The following FADS6 variants were observed in gnomAD, a reference collection of about 807,000 sequenced individuals.
FADS6 encodes the protein fatty acid desaturase 6.
FADS6 carries 28 observed loss-of-function variants against 31.7 expected under a neutral mutation model. The ratio of observed to expected loss-of-function variants is 0.88; its 90% CI spans 0.66 to 1.21. The LOEUF is 1.21. Among genes scored for constraint, FADS6 ranks in the 50% most tolerant of loss-of-function variants. FADS6 has a pLI of 0.00. For missense variants in FADS6, 494 were observed against 504.2 expected (o/e 0.98, Z 0.19); for synonymous variants, 191 against 213.1 (o/e 0.90, Z 0.90).
intron 4 of FADS6, 131 bp from the exon 5 acceptor site, chr17:74,879,714 G>T: frequency 1.1e-6 from 1 of 927,716 alleles, no homozygotes; most frequent in Non-Finnish European, 1.6e-6. Context: ...TGGTAGAGGG[G>T]CTCCTGGCCC....
In FADS6 at chr17:74,892,612, G is replaced by C; in HGVS notation, c.322C>G (p.Leu108Val). Residue 108 changes from leucine (L) to valine (V), a missense_variant, in exon 2 of 6, where the codon CTC (leucine) becomes GTC (valine). Around this residue, in one of 2 missense-constraint regions of FADS6, gnomAD observed 454 missense variants for 438.5 expected, o/e 1.04. Coordinates refer to ENST00000612771, the MANE Select transcript of FADS6 (RefSeq NM_178128.6). The stretch of plus-strand genomic sequence containing the variant: ...GCCAGGTGGCTGCCCTTGACAGTGA[G>C]TGTGTAGTGGCACACACCCAAGATG... ...ITILGVCHYT[L>V]TVKGSHLATH... The C allele has an allele frequency of 6.2e-7, 1 of 1,613,420 alleles. No homozygotes were observed. Among genetic ancestry groups the C allele is most frequent in the Non-Finnish European group, 8.5e-7 (1 of 1,179,670 alleles).
rs377304907 is a variant in FADS6 at position 74,878,427 on chromosome 17, G to A, written c.1011C>T (p.Asn337=). 84 of 1,614,010 alleles carry A rather than the reference G, an allele frequency of 5.2e-5. No individual in the cohort carries two copies. The highest frequency in any genetic ancestry group is 3.3e-4 in the African/African-American group (25 of 75,064). The change falls in exon 6 of 6, where the codon AAC becomes AAT. Residue 337 remains asparagine, a synonymous_variant. Transcript: ENST00000612771. ...GGAAGCGAGCCAGGTATGAGTCCTCGTTGTACGGTAGCTGCTTCTCACGTA... is the reference window on the plus strand; with the variant it reads ...GGAAGCGAGCCAGGTATGAGTCCTCATTGTACGGTAGCTGCTTCTCACGTA... ...QFLREKQLPY[N]EDSYLARFQL...
intron 2 of FADS6, among the ~76,000 whole-genome samples, chr17:74,888,288 G>A (rs1031967671): frequency 6.6e-6 from 1 of 151,822 alleles, no homozygotes; most frequent in African/African-American, 2.4e-5. Context: ...ATTTTTGCAA[G>A]GCCTGTGAAT....
Position 74,892,609 on chromosome 17 carries a change from TGA to T in FADS6, c.323_324del (p.Leu108HisfsTer177). ...GTGGCCAGGTGGCTGCCCTTGACAG[TGA>T]GTGTGTAGTGGCACACACCCAAGAT... is the stretch of plus-strand genomic sequence containing the variant. ...ITILGVCHYT[L>X]TVKGSHLATH... On this transcript the variant is annotated frameshift_variant, in exon 2 of 6. Coordinates refer to ENST00000612771, the MANE Select transcript of FADS6 (RefSeq NM_178128.6). LOFTEE classifies it high-confidence loss of function. The T allele has an allele frequency of 6.2e-7, 1 of 1,613,318 alleles. No homozygotes were observed. The highest frequency in any genetic ancestry group is 1.1e-5 in the South Asian group (1 of 90,896).
At chr17:74,892,175 C>G (rs1278362377) in intron 2 of FADS6, among the ~76,000 whole-genome samples, 1 of 152,190 alleles carries the variant, frequency 6.6e-6, no homozygotes, top group African/African-American at 2.4e-5. Flanking sequence ...GACGCTGCCC[C>G]TTGTGGACAC....
intron 3 of FADS6, among the ~76,000 whole-genome samples, chr17:74,881,680 A>G (rs1477825239): frequency 1.3e-5 from 2 of 150,542 alleles, no homozygotes; most frequent in Non-Finnish European, 3.0e-5. Context: ...ACCTACAGTA[A>G]GTTGAGATTG....
intron 1 of FADS6, among the ~76,000 whole-genome samples, chr17:74,893,126 C>T (rs1247906661): frequency 6.6e-6 from 1 of 152,158 alleles, no homozygotes; most frequent in African/African-American, 2.4e-5. Context: ...TGCGCCCCCT[C>T]CTAGGGTACA....
Position 74,877,641 on chromosome 17 carries a change from A to G in FADS6, c.*690T>C, listed in dbSNP as rs981415410. On this transcript the variant is annotated 3_prime_UTR_variant, in exon 6 of 6. Coordinates refer to ENST00000612771, the MANE Select transcript of FADS6 (RefSeq NM_178128.6). ...AGCCACCGCCCCTGGCTGGCTATTT[A>G]TACTCTTTCCCTAACTCTGTCCCTG... 7.2e-6 allele frequency: 7 copies of G among 974,524 alleles called. No individual in the cohort carries two copies. Among genetic ancestry groups the G allele is most frequent in the Non-Finnish European group, 8.5e-6 (7 of 820,276 alleles). The allele number at this position is 974,524 out of a possible 1,614,324, so 60.4% of individuals were successfully genotyped here.
chr17:74,875,369 A>T (rs1021967361), downstream of FADS6, among the ~76,000 whole-genome samples: 2 of 152,204 alleles, frequency 1.3e-5, no homozygotes, highest in Non-Finnish European at 2.9e-5. Context: ...GTCTCTGTAG[A>T]TTAGACCTTA....
chr17:74,892,793 G>C (rs1385973721), intron 1 of FADS6, 104 bp from the exon 2 acceptor site: 2 of 1,168,774 alleles, frequency 1.7e-6, no homozygotes, highest in African/African-American at 3.1e-5. Flanking sequence ...AGTGGGCTAG[G>C]CTCTGGGGGC....
intron 3 of FADS6, among the ~76,000 whole-genome samples, chr17:74,882,319 A>C (rs2038579003): frequency 6.6e-6 from 1 of 152,172 alleles, no homozygotes; most frequent in East Asian, 1.9e-4. Flanking sequence ...GGCTCAGACA[A>C]GTTAAGTTAT....
downstream of FADS6, among the ~76,000 whole-genome samples, chr17:74,874,935 C>T (rs1483176592): frequency 2.0e-5 from 3 of 152,256 alleles, no homozygotes; most frequent in South Asian, 2.1e-4. Context: ...CTATCTGGTC[C>T]TTTACAGAGT....
intron 2 of FADS6, among the ~76,000 whole-genome samples, chr17:74,888,141 C>T (rs1349331117): frequency 8.8e-6 from 1 of 113,598 alleles, no homozygotes; most frequent in East Asian, 3.4e-4. Flanking sequence ...CACACACACA[C>T]ACACACACAC....
rs914476619 is a variant in FADS6 at position 74,884,856 on chromosome 17, C to T, written c.412-2146G>A. Among the ~76,000 whole-genome samples the T allele has an allele frequency of 1.1e-4, 16 of 152,198 alleles. 1 individual carries two copies. In the South Asian group the frequency reaches 1.7e-3, roughly 16 times the overall value. Reference sequence around the variant, plus strand: ...CTGAGTAGCTGGGATTATAGTCACACGCCACCACACCCAGCTAACTTTTTA... The same window carrying T: ...CTGAGTAGCTGGGATTATAGTCACATGCCACCACACCCAGCTAACTTTTTA... On this transcript the variant is annotated intron_variant, in intron 2 of 5. Coordinates refer to ENST00000612771, the MANE Select transcript of FADS6 (RefSeq NM_178128.6).
chr17:74,890,451 T>A (rs1567929572), intron 2 of FADS6, among the ~76,000 whole-genome samples: 1 of 152,136 alleles, frequency 6.6e-6, no homozygotes, highest in Non-Finnish European at 1.5e-5. Context: ...GTCGGAGGCT[T>A]GAGTAATAAA....
chr17:74,888,151 C>CGCGCGG (rs1345492319), intron 2 of FADS6, among the ~76,000 whole-genome samples: 17 of 109,272 alleles, frequency 1.6e-4, no homozygotes, highest in Admixed American at 1.0e-3. Flanking sequence ...CACACACACA[C>CGCGCGG]ACACGCGCGC....
downstream of FADS6, among the ~76,000 whole-genome samples, chr17:74,875,059 G>A (rs955351840): frequency 2.0e-5 from 3 of 152,190 alleles, no homozygotes; most frequent in African/African-American, 7.2e-5. Context: ...TCGTACAATC[G>A]AAAAAGTTCT....
At chr17:74,884,383 G>A (rs367740811) in intron 2 of FADS6, among the ~76,000 whole-genome samples, 3 of 152,320 alleles carry the variant, frequency 2.0e-5, no homozygotes, top group East Asian at 1.9e-4. Context: ...CAAAAAATAC[G>A]TGGAATATTT....
intron 2 of FADS6, among the ~76,000 whole-genome samples, chr17:74,888,172 G>A (rs929281215): frequency 3.3e-4 from 49 of 146,820 alleles, no homozygotes; most frequent in Middle Eastern, 3.5e-3. Context: ...GCGCGCGCGC[G>A]CAGAGTACCA....
Sources: allele counts gnomAD v4.1 joint callset (sites outside exome capture counted in the v4.1 genomes callset), GRCh38; gene constraint gnomAD v4.1.1; regional missense constraint gnomAD v4.1.1; transcripts MANE v1.5; gene names NCBI Gene and HGNC (gene_info 2026-07-23, HGNC 2026-07-21).